MPPED1: variants seen among roughly 807,000 people sequenced by gnomAD.
The protein encoded by MPPED1 is metallophosphoesterase domain-containing protein 1.
In MPPED1, 16 loss-of-function variants were observed where a neutral mutation model predicts 36.2. That is an observed-to-expected ratio of 0.44 (90% CI 0.30 to 0.67). The LOEUF (loss-of-function observed/expected upper bound fraction) is 0.67, where lower values mean the gene tolerates loss of function less well. MPPED1 is among the 30% of genes least tolerant of loss of function. The pLI is 0.10. For missense variants in MPPED1, 307 were observed against 453.4 expected, an observed-to-expected ratio of 0.68 and a Z score of 2.93; for synonymous variants, 199 against 191.3, an observed-to-expected ratio of 1.04 and a Z score of -0.33.
chr22:43,497,929 G>GTATATATATATATATATATATATATA lies in MPPED1; in HGVS notation c.633-301_633-300insATATATATATATATATATATATATAT, dbSNP rs746068497. On this transcript the variant is annotated intron_variant, in intron 4 of 6. Transcript: ENST00000443721. ...CTTAGGAAGAAGCTGATATATATAT[G>GTATATATATATATATATATATATATA]TATATGTATATATATATATGTATTT... is the stretch of plus-strand genomic sequence containing the variant. 4.1e-4 allele frequency among the ~76,000 whole-genome samples: 20 copies of GTATATATATATATATATATATATATA among 48,742 alleles called. 1 individual carries two copies. The highest frequency in any genetic ancestry group is 1.3e-3 in the African/African-American group (20 of 15,840). The allele number at this position is 48,742 out of a possible 152,430, so 32.0% of individuals were successfully genotyped here.
At chr22:43,484,710 G>T (rs1186788329) in intron 4 of MPPED1, among the ~76,000 whole-genome samples, 1 of 152,122 alleles carries the variant, frequency 6.6e-6, no homozygotes, top group Non-Finnish European at 1.5e-5. Flanking sequence ...GTCAGGAATT[G>T]CCCCACCTGC....
chr22:43,500,321 G>C (rs1282073527), intron 5 of MPPED1, among the ~76,000 whole-genome samples: 1 of 143,950 alleles, frequency 6.9e-6, no homozygotes, highest in African/African-American at 2.6e-5. Flanking sequence ...TGGAGGTGGT[G>C]ATGGTGGTGG....
chr22:43,422,041 C>T (rs960751651), intron 1 of MPPED1, among the ~76,000 whole-genome samples: 9 of 152,308 alleles, frequency 5.9e-5, no homozygotes, highest in African/African-American at 1.4e-4. Context: ...AGGGGGGAGC[C>T]CGACCCTGCC....
At chr22:43,453,023 C>T (rs1930628185) in intron 3 of MPPED1, among the ~76,000 whole-genome samples, 2 of 151,322 alleles carry the variant, frequency 1.3e-5, no homozygotes, top group African/African-American at 4.9e-5. Flanking sequence ...AATCTCGGCT[C>T]ACTGCAAGCT....
chr22:43,456,648 C>G (rs1287960753), intron 3 of MPPED1, among the ~76,000 whole-genome samples: 2 of 152,152 alleles, frequency 1.3e-5, no homozygotes, highest in Non-Finnish European at 2.9e-5. Context: ...ATGTGCAGCA[C>G]CATGCCTGGC....
chr22:43,431,021 A>ATTTTTTTTTT (rs135076), intron 2 of MPPED1, among the ~76,000 whole-genome samples: 3 of 42,302 alleles, frequency 7.1e-5, no homozygotes, highest in African/African-American at 1.3e-4. Flanking sequence ...GTTGTTGTTA[A>ATTTTTTTTTT]TTTTTTTTTT....
At chr22:43,491,350 T>A (rs1258268502) in intron 4 of MPPED1, among the ~76,000 whole-genome samples, 1 of 151,262 alleles carries the variant, frequency 6.6e-6, no homozygotes, top group Non-Finnish European at 1.5e-5. Flanking sequence ...GTGATGAGAG[T>A]GATGATGTTG....
intron 1 of MPPED1, chr22:43,416,746 C>T (rs950648279): frequency 6.5e-6 from 1 of 152,788 alleles, no homozygotes; most frequent in Non-Finnish European, 1.5e-5. Context: ...AAAAATCAGT[C>T]CACTTGCTAT....
intron 5 of MPPED1, among the ~76,000 whole-genome samples, chr22:43,499,876 T>G (rs867548422): frequency 1.6e-3 from 93 of 56,734 alleles, no homozygotes; most frequent in African/African-American, 4.3e-3. Flanking sequence ...GTGGTGGTGA[T>G]GGAGGTGGTG....
chr22:43,425,574 G>A (rs891495722), intron 2 of MPPED1, among the ~76,000 whole-genome samples: 4 of 152,228 alleles, frequency 2.6e-5, no homozygotes, highest in African/African-American at 9.6e-5. Context: ...GTCTGGCGGG[G>A]GCCACATTCC....
intron 4 of MPPED1, among the ~76,000 whole-genome samples, chr22:43,490,954 G>A (rs142620747): frequency 0.12 from 18,818 of 152,036 alleles, 1,904 homozygotes; most frequent in African/African-American, 0.27. Flanking sequence ...AGACGCTGTC[G>A]GCTCTTCTCC....
chr22:43,488,257 G>A (rs984008028), intron 4 of MPPED1, among the ~76,000 whole-genome samples: 1 of 151,656 alleles, frequency 6.6e-6, no homozygotes, highest in African/African-American at 2.4e-5. Flanking sequence ...GGCCCCCCAA[G>A]GCCCCAGCAC....
chr22:43,493,510 A>G (rs917575666), intron 4 of MPPED1, among the ~76,000 whole-genome samples: 1 of 152,172 alleles, frequency 6.6e-6, no homozygotes. Context: ...CTCTCACAGC[A>G]TGTGGTGGCG....
chr22:43,488,371 A>G (rs1204978597), intron 4 of MPPED1, among the ~76,000 whole-genome samples: 1 of 152,206 alleles, frequency 6.6e-6, no homozygotes, highest in Non-Finnish European at 1.5e-5. Context: ...CTGGGGAGGC[A>G]GAGAACCCGA....
chr22:43,456,438 C>G (rs1261158238), intron 3 of MPPED1, among the ~76,000 whole-genome samples: 5 of 152,020 alleles, frequency 3.3e-5, no homozygotes, highest in Non-Finnish European at 7.4e-5. Context: ...GCTGAGGGAC[C>G]TTTAGAGATG....
intron 4 of MPPED1, among the ~76,000 whole-genome samples, chr22:43,486,496 G>T (rs887789008): frequency 6.6e-5 from 10 of 152,176 alleles, no homozygotes; most frequent in African/African-American, 2.4e-4. Context: ...GGCCACTGCA[G>T]CAGCCACATG....
At position 43,502,345 on chromosome 22, in the gene MPPED1, G is replaced by C. The variant is rs73170082; in HGVS notation, c.749-299G>C. Among the ~76,000 whole-genome samples the C allele has an allele frequency of 0.061, 9,249 of 152,218 alleles. 364 individuals carry two copies. The highest frequency in any genetic ancestry group is 0.11 in the African/African-American group (4,423 of 41,538). On this transcript the variant is annotated intron_variant, in intron 5 of 6. Transcript: ENST00000443721. The surrounding 1 kb of genome is among the most constrained non-coding windows in gnomAD (Gnocchi z 5.5). ...CACTCGAGCACAGATGGTCTGGGGG[G>C]CGCCAGCAGTTACTGAGCACCCCAC...
chr22:43,459,003 T>G (rs936231010), intron 3 of MPPED1, among the ~76,000 whole-genome samples: 19 of 152,322 alleles, frequency 1.2e-4, no homozygotes, highest in African/African-American at 3.8e-4. Context: ...TTACTTGAAG[T>G]TCTTGGATGT....
intron 2 of MPPED1, among the ~76,000 whole-genome samples, chr22:43,432,881 AAGAGAAAGGGAGGAGAGAGAGAGGGAAAG>A (rs1929803806): frequency 6.6e-4 from 3 of 4,542 alleles, no homozygotes; most frequent in Admixed American, 3.3e-3. Context: ...GAGAGAGGGA[AAGAGAAAGGGAGGAGAGAGAGAGGGAAAG>A]AGAAAGGGAG....
Sources: allele counts gnomAD v4.1 joint callset (sites outside exome capture counted in the v4.1 genomes callset), GRCh38; gene constraint gnomAD v4.1.1; non-coding constraint Gnocchi (gnomAD v3.1); transcripts MANE v1.5; gene names NCBI Gene and HGNC (gene_info 2026-07-23, HGNC 2026-07-21).